The following APOB variants were observed in gnomAD, a reference collection of about 807,000 sequenced individuals.
APOB encodes the protein apolipoprotein B, also known as apolipoprotein B-100.
In APOB, 153 loss-of-function variants were observed where a neutral mutation model predicts 314.1. That is an observed-to-expected ratio of 0.49 (90% CI 0.43 to 0.56). APOB has a LOEUF of 0.56. APOB is among the 20% of genes least tolerant of loss of function. The pLI is 0.00. For synonymous variants in APOB, 2,087 were observed against 2,036.4 expected (o/e 1.02, Z -0.67); for missense variants, 5,430 against 5,350.7 (o/e 1.01, Z -0.46).
Position 21,004,472 on chromosome 2 carries a change from T to C in APOB, c.11904-20A>G, listed in dbSNP as rs1424520094. 4 of 1,613,264 alleles carry C rather than the reference T, an allele frequency of 2.5e-6. No homozygotes were observed. The highest frequency in any genetic ancestry group is 3.4e-6 in the Non-Finnish European group (4 of 1,179,398). Reference sequence around the variant, plus strand: ...CATTCCCTGAAAGCAGAAAAACAGATGAGCTATCACGAAAGGGGTATGGAG... The same window carrying C: ...CATTCCCTGAAAGCAGAAAAACAGACGAGCTATCACGAAAGGGGTATGGAG... On this transcript the variant is annotated intron_variant, in intron 27 of 28. Coordinates refer to ENST00000233242, the MANE Select transcript of APOB (RefSeq NM_000384.3).
Position 21,015,150 on chromosome 2 carries a change from A to G in APOB, c.3619T>C (p.Tyr1207His). 1 of 1,614,224 alleles carries G rather than the reference A, an allele frequency of 6.2e-7. No homozygotes were observed. Among genetic ancestry groups the G allele is most frequent in the South Asian group, 1.1e-5 (1 of 91,082 alleles). The change falls in exon 23 of 29, where the codon TAT becomes CAT. Residue 1207 changes from tyrosine to histidine, a missense_variant. Physicochemically the swap from Tyr to His is moderately conservative, Grantham distance 83. This residue lies in a region of APOB where 2,085 missense variants were observed against 2,079.7 expected (regional missense o/e 1.00). Coordinates refer to ENST00000233242, the MANE Select transcript of APOB (RefSeq NM_000384.3). ...LSDYPKSLHM[Y>H]ANRLLDHRVP... ...CTGTGATCCAGGAGTCTATTAGCAT[A>G]CATATGCAAGCTCTTAGGATAATCG...
rs751121092 is a variant in APOB at position 21,003,346 on chromosome 2, G to GAA, written c.12088-14_12088-13dup. On this transcript the variant is annotated splice_polypyrimidine_tract_variant and intron_variant, in intron 28 of 28. Coordinates refer to ENST00000233242, the MANE Select transcript of APOB (RefSeq NM_000384.3). Reference sequence around the variant, plus strand: ...TTATCTGGAGAGGACTAAACAGAGAGAAAAAAAAAAATAACATGTTTTCAA... The same window carrying GAA: ...TTATCTGGAGAGGACTAAACAGAGAGAAAAAAAAAAAAATAACATGTTTTCAA... 2.8e-5 allele frequency: 35 copies of GAA among 1,259,118 alleles called. No individual in the cohort carries two copies. The highest frequency in any genetic ancestry group is 2.0e-4 in the Middle Eastern group (1 of 4,924). The allele number at this position is 1,259,118 out of a possible 1,614,324, so 78.0% of individuals were successfully genotyped here.
At position 21,009,988 on chromosome 2, in the gene APOB, C is replaced by T; in HGVS notation, c.6880G>A (p.Val2294Ile). 6 of 1,613,794 alleles carry T rather than the reference C, an allele frequency of 3.7e-6. No homozygotes were observed. The South Asian group carries it at 6.6e-5, about 18-fold the overall frequency. Reference protein sequence around the residue: ...KLKQHIEAIDVRVLLDQLGTT... With the variant: ...KLKQHIEAIDIRVLLDQLGTT... The stretch of plus-strand genomic sequence containing the variant: ...CCCAATTGATCTAAAAGCACTCTAA[C>T]ATCAATAGCCTCAATGTGTTGTTTT... Residue 2294 changes from valine (V) to isoleucine (I), a missense_variant, in exon 26 of 29, where the codon GTT becomes ATT. This residue lies in a region of APOB where 3,281 missense variants were observed against 3,171.0 expected (regional missense o/e 1.03). Transcript: ENST00000233242.
Position 21,001,469 on chromosome 2 carries a change from C to T in APOB, c.*261G>A, listed in dbSNP as rs1662974834. On this transcript the variant is annotated 3_prime_UTR_variant, in exon 29 of 29. Coordinates refer to ENST00000233242, the MANE Select transcript of APOB (RefSeq NM_000384.3). ...AGACTCCATTTATTTGTTCCTCCTC[C>T]CCCAAGTTTAGCAAAATAACTCAGA... The T allele has an allele frequency of 2.2e-6, 1 of 448,382 alleles. No individual in the cohort carries two copies. Among genetic ancestry groups the T allele is most frequent in the Non-Finnish European group, 4.0e-6 (1 of 250,936 alleles). 27.8% of individuals were successfully genotyped at this position (448,382 alleles called of 1,614,324 possible). A position where few individuals can be genotyped will look rare whatever the true frequency, so the allele number is the denominator to read the frequency against.
chr2:21,041,120 A>T, intron 3 of APOB, 37 bp from the exon 4 acceptor site: 2 of 1,601,954 alleles, frequency 1.2e-6, no homozygotes, highest in Middle Eastern at 2.1e-4. Context: ...GAGGTTGTCT[A>T]TCAAGAATGA....
chr2:21,024,341 G>A (rs904193777), intron 16 of APOB: 10 of 154,250 alleles, frequency 6.5e-5, no homozygotes, highest in African/African-American at 2.4e-4. Flanking sequence ...CTTCAGGTCA[G>A]GTGCAGTGGC....
chr2:21,016,224 G>T (rs1285944297), intron 21 of APOB, among the ~76,000 whole-genome samples: 1 of 151,878 alleles, frequency 6.6e-6, no homozygotes, highest in African/African-American at 2.4e-5. Context: ...GGAGGCGGAG[G>T]TTGCAGTGAG....
chr2:21,028,569 G>A (rs752376810), intron 12 of APOB, 31 bp from the exon 13 acceptor site: 1 of 1,491,486 alleles, frequency 6.7e-7, no homozygotes, highest in Non-Finnish European at 9.3e-7. Flanking sequence ...GGTTATCACT[G>A]TCCTGTGGTC....
rs750454285 is a variant in APOB, at chr2:21,033,458, G to T, written c.965C>A (p.Ala322Asp). ...CTGGAGAGTCTTCAAAACAGCTTCG[G>T]CCTGCTTTGGAGGTGATGTGGATTT... is the stretch of plus-strand genomic sequence containing the variant. The part of the protein sequence containing the change: ...STKSTSPPKQ[A>D]EAVLKTLQEL... Residue 322 changes from alanine to aspartate, a missense_variant, in exon 9 of 29, where the codon GCC (alanine) becomes GAC (aspartate). Physicochemically the swap from Ala to Asp is moderately radical, Grantham distance 126. Coordinates refer to ENST00000233242, the MANE Select transcript of APOB (RefSeq NM_000384.3). 6 of 1,614,098 alleles carry T rather than the reference G, an allele frequency of 3.7e-6. No individual in the cohort carries two copies. The South Asian group carries it at 6.6e-5, about 18-fold the overall frequency.
intron 20 of APOB, among the ~76,000 whole-genome samples, chr2:21,017,042 TAAAG>T (rs138999114): frequency 0.33 from 49,209 of 146,948 alleles, 9,028 homozygotes; most frequent in Non-Finnish European, 0.42. Flanking sequence ...AATAAATAAA[TAAAG>T]AAGCTATGTT....
chr2:21,030,838 G>A (rs551599761), intron 10 of APOB, among the ~76,000 whole-genome samples: 1 of 152,048 alleles, frequency 6.6e-6, no homozygotes, highest in African/African-American at 2.4e-5. Context: ...AATGGCAATA[G>A]GCATATGAAA....
chr2:21,003,525 C>G (rs1482649713), intron 28 of APOB, among the ~76,000 whole-genome samples, 191 bp from the exon 29 acceptor site: 1 of 152,124 alleles, frequency 6.6e-6, no homozygotes. Context: ...GTTAATTTCT[C>G]TTTATCACAT....
intron 21 of APOB, 42 bp downstream of exon 21, chr2:21,016,397 C>T: frequency 9.5e-7 from 1 of 1,049,244 alleles, no homozygotes; most frequent in South Asian, 1.3e-5. Flanking sequence ...AAGAACCACC[C>T]AGGCCTGCAG....
chr2:21,041,366 GT>G (rs1463589357), intron 3 of APOB, among the ~76,000 whole-genome samples: 5 of 152,214 alleles, frequency 3.3e-5, no homozygotes, highest in Admixed American at 2.0e-4. Flanking sequence ...TGGTTCTAAA[GT>G]TACTCACTTT....
At position 21,006,015 on chromosome 2, in the gene APOB, T is replaced by C. The variant is rs770755312; in HGVS notation, c.10853A>G (p.Gln3618Arg). The C allele has an allele frequency of 1.2e-6, 2 of 1,614,042 alleles. No homozygotes were observed. The highest frequency in any genetic ancestry group is 1.7e-4 in the Middle Eastern group (1 of 6,060). Residue 3618 changes from glutamine to arginine, a missense_variant, in exon 26 of 29, where the codon CAG (glutamine) becomes CGG (arginine). By Grantham distance (43) the Gln-to-Arg change is conservative. Around this residue, in one of 3 missense-constraint regions of APOB, gnomAD observed 3,281 missense variants for 3,171.0 expected, o/e 1.03. Transcript: ENST00000233242. Reference protein sequence around the residue: ...SSFHDFPDLGQEVALNANTKN... With the variant: ...SSFHDFPDLGREVALNANTKN... ...AGTGTTAGCATTCAGGGCCACTTCCTGGCCAAGGTCAGGGAAATCATGGAA... is the reference window on the plus strand; with the variant it reads ...AGTGTTAGCATTCAGGGCCACTTCCCGGCCAAGGTCAGGGAAATCATGGAA...
rs1339117465 is a variant in APOB at position 21,002,271 on chromosome 2, A to G, written c.13151T>C (p.Leu4384Pro). 7 of 1,614,002 alleles carry G rather than the reference A, an allele frequency of 4.3e-6. No individual in the cohort carries two copies. The highest frequency in any genetic ancestry group is 1.1e-5 in the South Asian group (1 of 91,076). Residue 4384 changes from leucine (L) to proline (P), a missense_variant, in exon 29 of 29, where the codon CTT becomes CCT. By Grantham distance (98) the Leu-to-Pro change is moderately conservative (BLOSUM62 -3). Transcript: ENST00000233242. ...ACTTGGATCAAAATATTCTTCACGA[A>G]GGGCCATAATGTATTGATGGATCTG... ...LQQIHQYIMA[L>P]REEYFDPSIV... is the part of the protein sequence containing the mutation.
intron 19 of APOB, 83 bp downstream of exon 19, chr2:21,019,640 A>G (rs1362215398): frequency 7.1e-7 from 1 of 1,409,486 alleles, no homozygotes; most frequent in East Asian, 2.3e-5. Flanking sequence ...CTTACAACAC[A>G]GAGTATTTTT....
intron 13 of APOB, 68 bp from the exon 14 acceptor site, chr2:21,028,133 G>T: frequency 7.9e-7 from 1 of 1,266,432 alleles, no homozygotes; most frequent in Non-Finnish European, 1.2e-6. Flanking sequence ...TGCACCCCAA[G>T]TAAATATGGA....
Position 21,012,030 on chromosome 2 carries a change from C to G in APOB, c.4838G>C (p.Ser1613Thr), listed in dbSNP as rs61742247. 1.2e-3 allele frequency: 1,888 copies of G among 1,614,072 alleles called. 2 individuals are homozygous for G. The highest frequency in any genetic ancestry group is 1.5e-3 in the Non-Finnish European group (1,813 of 1,180,046). Residue 1613 changes from serine (S) to threonine (T), a missense_variant, in exon 26 of 29, where the codon AGC becomes ACC. This residue lies in a region of APOB where 2,085 missense variants were observed against 2,079.7 expected (regional missense o/e 1.00). Coordinates refer to ENST00000233242, the MANE Select transcript of APOB (RefSeq NM_000384.3). Reference sequence around the variant, plus strand: ...GGAATTTAGTGATCCAGAAAGCAGGCTGAAGAACCTCAATGACTCGTAATC... The same window carrying G: ...GGAATTTAGTGATCCAGAAAGCAGGGTGAAGAACCTCAATGACTCGTAATC... ...QADYESLRFF[S>T]LLSGSLNSHG...
Sources: gnomAD v4.1 joint callset for allele counts (sites outside exome capture counted in the v4.1 genomes callset) on GRCh38, gnomAD v4.1.1 for gene constraint, gnomAD v4.1.1 regional missense constraint, MANE v1.5 for transcripts, NCBI Gene and HGNC (gene_info 2026-07-23, HGNC 2026-07-21) for gene names.